Variants in GLYR1 observed in about 807,000 individuals in gnomAD.
GLYR1 encodes the protein glyoxylate reductase 1 homolog, also known as cytokine-like nuclear factor N-PAC.
A neutral mutation model predicts 72.7 loss-of-function variants in GLYR1; 21 were observed. The ratio of observed to expected loss-of-function variants is 0.29; its 90% CI spans 0.20 to 0.42. The LOEUF (loss-of-function observed/expected upper bound fraction) is 0.42, where lower values mean the gene tolerates loss of function less well. Among genes scored for constraint, GLYR1 ranks in the 10% least tolerant of loss-of-function variants. The pLI, the probability that GLYR1 is intolerant of heterozygous loss-of-function variation, is 1.00. For missense variants in GLYR1, 594 were observed against 712.1 expected (o/e 0.83, Z 1.89); for synonymous variants, 392 against 270.2 (o/e 1.45, Z -4.42).
chr16:4,836,642 G>A (rs767600792), intron 3 of GLYR1, among the ~76,000 whole-genome samples: 6 of 152,158 alleles, frequency 3.9e-5, no homozygotes, highest in African/African-American at 7.2e-5. Context: ...TGCATGTTAT[G>A]TGCTACCACT....
At chr16:4,815,340 G>A (rs1166137947) in intron 10 of GLYR1, among the ~76,000 whole-genome samples, 5 of 151,874 alleles carry the variant, frequency 3.3e-5, no homozygotes, top group Admixed American at 1.3e-4. Context: ...TTTTCTATCA[G>A]ACTTTTAATG....
Position 4,811,314 on chromosome 16 carries a change from A to G in GLYR1, c.1463-20T>C, listed in dbSNP as rs1407910469. On this transcript the variant is annotated intron_variant, in intron 14 of 15. Transcript: ENST00000321919. Reference sequence around the variant, plus strand: ...GGATATCTGAGGAGAAAAAGCCAGTATCAGACAAAAGCCAAGGACCTGAAA... The same window carrying G: ...GGATATCTGAGGAGAAAAAGCCAGTGTCAGACAAAAGCCAAGGACCTGAAA... 3.7e-5 allele frequency: 59 copies of G among 1,612,988 alleles called. 1 individual carries two copies. The highest frequency in any genetic ancestry group is 4.9e-5 in the Non-Finnish European group (58 of 1,179,700).
chr16:4,841,195 A>T (rs2085519541), intron 3 of GLYR1, among the ~76,000 whole-genome samples: 2 of 152,178 alleles, frequency 1.3e-5, no homozygotes, highest in African/African-American at 4.8e-5. Context: ...TTGAGCAAGC[A>T]CATCACCACT....
At chr16:4,819,319 CT>C (rs1346524767) in intron 9 of GLYR1, among the ~76,000 whole-genome samples, 7 of 151,940 alleles carry the variant, frequency 4.6e-5, no homozygotes, top group African/African-American at 1.7e-4. Flanking sequence ...AGCCTTTTTT[CT>C]TTTTTTAGTG....
intron 10 of GLYR1, among the ~76,000 whole-genome samples, chr16:4,814,850 C>T (rs766696103): frequency 6.6e-6 from 1 of 152,126 alleles, no homozygotes; most frequent in African/African-American, 2.4e-5. Context: ...TTTTGCATGA[C>T]GAGTGCCTAG....
intron 14 of GLYR1, 54 bp downstream of exon 14, chr16:4,811,569 T>A: frequency 6.3e-7 from 1 of 1,597,908 alleles, no homozygotes; most frequent in Non-Finnish European, 8.6e-7. Context: ...CCTGACCTAG[T>A]ACCCTGCTCT....
At chr16:4,841,457 CAAAAAAAAAAAAAAA>C (rs1160441336) in intron 3 of GLYR1, among the ~76,000 whole-genome samples, 2 of 31,956 alleles carry the variant, frequency 6.3e-5, no homozygotes, top group African/African-American at 1.1e-4. Flanking sequence ...CTTGTCTCTA[CAAAAAAAAAAAAAAA>C]AAAAAAAAAA....
intron 3 of GLYR1, chr16:4,843,545 A>C: frequency 7.8e-7 from 1 of 1,289,084 alleles, no homozygotes; most frequent in Non-Finnish European, 1.0e-6. Flanking sequence ...TCTCCTTGAA[A>C]TACTGCCACC....
intron 9 of GLYR1, among the ~76,000 whole-genome samples, chr16:4,818,765 C>T (rs2083814599): frequency 6.6e-6 from 1 of 152,162 alleles, no homozygotes; most frequent in South Asian, 2.1e-4. Context: ...ATGGGCCTTG[C>T]CTCTCCTCTC....
Position 4,815,267 on chromosome 16 carries a change from A to AT in GLYR1, c.907-621dup, listed in dbSNP as rs541013163. ...ACTATAGGTGCATGCCCCATGTGTG[A>AT]TTTTTTTTTTTTTCTGTAGAGACAG... On this transcript the variant is annotated intron_variant, in intron 10 of 15. Transcript: ENST00000321919. Among the ~76,000 whole-genome samples the AT allele has an allele frequency of 3.4e-3, 479 of 142,746 alleles. 3 individuals carry two copies. Among genetic ancestry groups the AT allele is most frequent in the South Asian group, 0.011 (50 of 4,540 alleles). 93.6% of individuals were successfully genotyped at this position (142,746 alleles called of 152,430 possible).
intron 5 of GLYR1, among the ~76,000 whole-genome samples, chr16:4,824,830 C>T (rs1222465644): frequency 2.0e-5 from 3 of 152,168 alleles, no homozygotes; most frequent in African/African-American, 7.2e-5. Flanking sequence ...CTCCCTTTCC[C>T]CAGTCACTCC....
intron 7 of GLYR1, 143 bp from the exon 8 acceptor site, chr16:4,821,740 C>T: frequency 1.4e-6 from 1 of 727,708 alleles, no homozygotes; most frequent in Non-Finnish European, 2.4e-6. Flanking sequence ...AAATTTTACA[C>T]TAGAAAGTTC....
intron 3 of GLYR1, among the ~76,000 whole-genome samples, chr16:4,837,968 T>C (rs994798012): frequency 7.1e-6 from 1 of 141,810 alleles, no homozygotes; most frequent in South Asian, 2.2e-4. Flanking sequence ...AATAAATAAA[T>C]AAATAAAGAT....
chr16:4,805,795 G>T (rs550320447), intron 15 of GLYR1, among the ~76,000 whole-genome samples: 2 of 151,916 alleles, frequency 1.3e-5, no homozygotes, highest in South Asian at 4.2e-4. Flanking sequence ...GGTGACCGTC[G>T]TGAAACCCCT....
chr16:4,838,617 C>T (rs143810728), intron 3 of GLYR1, among the ~76,000 whole-genome samples: 1 of 151,598 alleles, frequency 6.6e-6, no homozygotes, highest in African/African-American at 2.4e-5. Context: ...GACAGAGTCT[C>T]ACTCTGTTGC....
intron 15 of GLYR1, 22 bp downstream of exon 15, chr16:4,811,148 G>T (rs752253162): frequency 1.3e-5 from 21 of 1,607,412 alleles, no homozygotes; most frequent in Non-Finnish European, 1.7e-6. Flanking sequence ...GGGCCTTGGG[G>T]CTTGGGCCAC....
chr16:4,845,229 C>T (rs948042451), intron 2 of GLYR1, 76 bp from the exon 3 acceptor site: 9 of 941,152 alleles, frequency 9.6e-6, no homozygotes, highest in Non-Finnish European at 1.6e-5. Context: ...CATTGCTCTA[C>T]AGTTCTACGT....
chr16:4,846,231 C>G (rs376740837), intron 1 of GLYR1, 21 bp from the exon 2 acceptor site: 1 of 1,613,542 alleles, frequency 6.2e-7, no homozygotes, highest in Non-Finnish European at 8.5e-7. Context: ...CACAAAGAGT[C>G]AACACTTGCC....
chr16:4,809,252 C>A (rs1414112389), intron 15 of GLYR1, among the ~76,000 whole-genome samples: 2 of 134,674 alleles, frequency 1.5e-5, no homozygotes, highest in Non-Finnish European at 3.1e-5. Context: ...TGCAGTGGTG[C>A]GATCTAGGCT....
Sources: gnomAD v4.1 joint callset for allele counts (sites outside exome capture counted in the v4.1 genomes callset) on GRCh38, gnomAD v4.1.1 for gene constraint, MANE v1.5 for transcripts, NCBI Gene and HGNC (gene_info 2026-07-23, HGNC 2026-07-21) for gene names.